Variants in TANC2 observed in about 807,000 individuals in gnomAD.
The protein encoded by TANC2 is protein TANC2.
A neutral mutation model predicts 210.5 loss-of-function variants in TANC2; 26 were observed. The ratio of observed to expected loss-of-function variants is 0.12; its 90% confidence interval spans 0.09 to 0.17. The LOEUF (loss-of-function observed/expected upper bound fraction) is 0.17. Ranked by LOEUF, TANC2 falls within the 10% of genes least tolerant of loss-of-function variation. The probability of loss-of-function intolerance (pLI) is 1.00; values close to 1 mark genes in which losing one functional copy is unlikely to be tolerated. For missense variants in TANC2, 2,129 were observed against 2,608.9 expected (o/e 0.82, Z 4.01); for synonymous variants, 931 against 967.1 (o/e 0.96, Z 0.69).
intron 2 of TANC2, among the ~76,000 whole-genome samples, chr17:63,059,733 A>C (rs1476604907): frequency 6.6e-6 from 1 of 152,028 alleles, no homozygotes; most frequent in Non-Finnish European, 1.5e-5. Context: ...TCTCCTGGCC[A>C]GTGAGACCCT....
At chr17:63,402,143 A>G (rs563994607) in intron 19 of TANC2, among the ~76,000 whole-genome samples, 4 of 152,310 alleles carry the variant, frequency 2.6e-5, no homozygotes, top group Admixed American at 2.0e-4. Context: ...AGTAATTCCA[A>G]TAACAGTAAA....
chr17:63,245,122 CT>C (rs2042880357), intron 8 of TANC2, among the ~76,000 whole-genome samples: 1 of 152,162 alleles, frequency 6.6e-6, no homozygotes, highest in African/African-American at 2.4e-5. Context: ...TTCACCATAA[CT>C]TTGCTGTTTA....
intron 13 of TANC2, among the ~76,000 whole-genome samples, chr17:63,354,238 A>G (rs1181737276): frequency 2.6e-5 from 4 of 152,198 alleles, no homozygotes; most frequent in African/African-American, 9.7e-5. Flanking sequence ...CAAGGTGCCA[A>G]GCTTCCTACT....
intron 5 of TANC2, among the ~76,000 whole-genome samples, chr17:63,155,772 A>C (rs2039814241): frequency 6.6e-6 from 1 of 152,200 alleles, no homozygotes; most frequent in Non-Finnish European, 1.5e-5. Flanking sequence ...TTAAAACTCA[A>C]AGAGAAAACA....
chr17:63,248,227 G>A (rs1179438859), intron 8 of TANC2, among the ~76,000 whole-genome samples: 1 of 152,056 alleles, frequency 6.6e-6, no homozygotes, highest in Non-Finnish European at 1.5e-5. Flanking sequence ...GTACATAGAA[G>A]TGGTTCCCTA....
At chr17:63,216,355 A>G (rs1030086096) in intron 7 of TANC2, among the ~76,000 whole-genome samples, 1 of 152,052 alleles carries the variant, frequency 6.6e-6, no homozygotes, top group African/African-American at 2.4e-5. Flanking sequence ...GGCCAGCTCC[A>G]CACACTTTCA....
intron 2 of TANC2, among the ~76,000 whole-genome samples, chr17:63,063,560 GTGTGTGTGTGTGTGT>G (rs1220610412): frequency 1.8e-5 from 2 of 109,786 alleles, no homozygotes; most frequent in African/African-American, 1.0e-4. Context: ...GTGTGTGTGT[GTGTGTGTGTGTGTGT>G]AGATATATCT....
At chr17:63,401,418 C>T (rs2048340146) in intron 19 of TANC2, among the ~76,000 whole-genome samples, 1 of 152,208 alleles carries the variant, frequency 6.6e-6, no homozygotes, top group African/African-American at 2.4e-5. Context: ...CAAACAACTT[C>T]TGCCAACTAT....
chr17:63,321,239 T>C (rs2045483711), intron 11 of TANC2, among the ~76,000 whole-genome samples: 1 of 152,150 alleles, frequency 6.6e-6, no homozygotes, highest in Non-Finnish European at 1.5e-5. Flanking sequence ...TATGATACTC[T>C]CATTTTCTTA....
At chr17:63,271,067 T>G (rs912249470) in intron 9 of TANC2, among the ~76,000 whole-genome samples, 1 of 151,694 alleles carries the variant, frequency 6.6e-6, no homozygotes, top group Non-Finnish European at 1.5e-5. Flanking sequence ...CAGTCTACCA[T>G]CAATGGACAT....
intron 12 of TANC2, among the ~76,000 whole-genome samples, chr17:63,350,426 T>G (rs1337856149): frequency 6.6e-6 from 1 of 152,144 alleles, no homozygotes; most frequent in Non-Finnish European, 1.5e-5. Context: ...CTCTAATTGT[T>G]GAACCAAGAA....
At chr17:63,246,760 T>C (rs1397493200) in intron 8 of TANC2, among the ~76,000 whole-genome samples, 1 of 152,220 alleles carries the variant, frequency 6.6e-6, no homozygotes, top group Non-Finnish European at 1.5e-5. Flanking sequence ...ATAGTGCTGC[T>C]GTGAACATTT....
chr17:63,184,027 A>AG (rs924272461), intron 5 of TANC2, among the ~76,000 whole-genome samples: 6 of 152,188 alleles, frequency 3.9e-5, no homozygotes, highest in African/African-American at 7.2e-5. Flanking sequence ...AAAAAAAAAA[A>AG]GAAATGCAAA....
intron 15 of TANC2, among the ~76,000 whole-genome samples, chr17:63,383,155 C>A (rs1375181050): frequency 6.6e-6 from 1 of 152,182 alleles, no homozygotes; most frequent in East Asian, 1.9e-4. Flanking sequence ...TTATTAACAT[C>A]TTGTACTGAT....
intron 9 of TANC2, among the ~76,000 whole-genome samples, chr17:63,297,390 T>C (rs2044569100): frequency 6.6e-6 from 1 of 151,628 alleles, no homozygotes; most frequent in Non-Finnish European, 1.5e-5. Flanking sequence ...GTAATACAGT[T>C]GAAAGTCCAG....
At chr17:63,326,107 T>G (rs140666152) in intron 11 of TANC2, among the ~76,000 whole-genome samples, 1 of 152,288 alleles carries the variant, frequency 6.6e-6, no homozygotes, top group Non-Finnish European at 1.5e-5. Context: ...TACAGCTAAT[T>G]AAACAACAGG....
chr17:63,281,585 G>GA (rs2044060213), intron 9 of TANC2, among the ~76,000 whole-genome samples: 1 of 151,792 alleles, frequency 6.6e-6, no homozygotes. Flanking sequence ...CAGCATACTT[G>GA]AGAGGAACAT....
At chr17:63,172,262 A>C (rs1014918200) in intron 5 of TANC2, among the ~76,000 whole-genome samples, 9 of 148,184 alleles carry the variant, frequency 6.1e-5, no homozygotes, top group Non-Finnish European at 1.0e-4. Context: ...CACATTCTCA[A>C]CCCCCGCCTC....
chr17:63,336,171 G>A (rs2046020678), intron 11 of TANC2, among the ~76,000 whole-genome samples: 1 of 152,176 alleles, frequency 6.6e-6, no homozygotes, highest in Non-Finnish European at 1.5e-5. Flanking sequence ...GAAGGGTTTT[G>A]CTGATTAGGA....
Sources: allele counts gnomAD v4.1 joint callset (sites outside exome capture counted in the v4.1 genomes callset), GRCh38; gene constraint gnomAD v4.1.1; transcripts MANE v1.5; gene names NCBI Gene and HGNC (gene_info 2026-07-23, HGNC 2026-07-21).